The following SNX18 variants were observed in gnomAD, a reference collection of about 807,000 sequenced individuals.
SNX18 encodes sorting nexin-18.
A neutral mutation model predicts 48.7 loss-of-function variants in SNX18; 35 were observed. That is an observed-to-expected ratio of 0.72 (90% confidence interval 0.55 to 0.95). The LOEUF is 0.95. Ranked by LOEUF, SNX18 falls within the 40% of genes least tolerant of loss-of-function variation. The pLI is 0.00. For synonymous variants in SNX18, 492 were observed against 384.7 expected, an observed-to-expected ratio of 1.28 and a Z score of -3.26; for missense variants, 824 against 871.0, an observed-to-expected ratio of 0.95 and a Z score of 0.68.
intron 1 of SNX18, 69 bp from the exon 2 acceptor site, chr5:54,543,110 A>AAT: frequency 6.8e-7 from 1 of 1,465,380 alleles, no homozygotes; most frequent in Admixed American, 2.2e-5. Flanking sequence ...GATTCTGTTT[A>AAT]ATATGTAGTT....
At position 54,545,578 on chromosome 5, in the gene SNX18, T is replaced by C. The variant is rs1762564618; in HGVS notation, c.*2146T>C. On this transcript the variant is annotated 3_prime_UTR_variant, in exon 2 of 2. Transcript: ENST00000381410. ...TAAGTTATACTTATGTAAGTATAAA[T>C]TCATGCTGCCTACTTCTAAGAGAAA... The C allele has an allele frequency of 6.6e-6, 1 of 152,198 alleles. No homozygotes were observed. Among genetic ancestry groups the C allele is most frequent in the Admixed American group, 6.5e-5 (1 of 15,278 alleles). The allele number at this position is 152,198 out of a possible 1,614,324, so 9.4% of individuals were successfully genotyped here.
intron 1 of SNX18, among the ~76,000 whole-genome samples, chr5:54,526,260 A>G (rs529665749): frequency 6.6e-6 from 1 of 152,124 alleles, no homozygotes; most frequent in East Asian, 1.9e-4. Flanking sequence ...ATGTGCCACC[A>G]TGCTTGGCTA....
chr5:54,614,161 C>T, the SNX18 span, among the ~76,000 whole-genome samples: 1 of 152,188 alleles, frequency 6.6e-6, no homozygotes, highest in African/African-American at 2.4e-5. Context: ...GGAAAGCAGT[C>T]CTGCCAGCCC....
chr5:54,538,021 A>G (rs1348677937), intron 1 of SNX18, among the ~76,000 whole-genome samples: 1 of 152,220 alleles, frequency 6.6e-6, no homozygotes, highest in Non-Finnish European at 1.5e-5. Context: ...CTGCTCCAGT[A>G]GTTTCCGCTT....
the SNX18 span, among the ~76,000 whole-genome samples, chr5:54,569,141 C>T: frequency 5.9e-5 from 9 of 151,382 alleles, no homozygotes; most frequent in Non-Finnish European, 1.3e-4. Flanking sequence ...CCGCGCCCAA[C>T]CACATTTTTT....
At chr5:54,550,549 A>C (rs1193656699), downstream of SNX18, among the ~76,000 whole-genome samples, 2 of 152,240 alleles carry the variant, frequency 1.3e-5, no homozygotes, top group African/African-American at 4.8e-5. Context: ...CCTTTGAGCA[A>C]AACAAAGCGA....
Position 54,545,435 on chromosome 5 carries a change from C to G in SNX18, c.*2003C>G, listed in dbSNP as rs1466264063. The G allele has an allele frequency of 1.3e-5, 2 of 150,584 alleles. No individual in the cohort carries two copies. The highest frequency in any genetic ancestry group is 3.0e-5 in the Non-Finnish European group (2 of 67,740). 9.3% of individuals were successfully genotyped at this position (150,584 alleles called of 1,614,324 possible). On this transcript the variant is annotated 3_prime_UTR_variant, in exon 2 of 2. Coordinates refer to ENST00000381410, the MANE Select transcript of SNX18 (RefSeq NM_001102575.2). ...ATTTTTTTTTTTTTAATAGTAAAAT[C>G]ACTAAACTTGTGCAATGGTAGCATG...
chr5:54,606,147 G>T, the SNX18 span, among the ~76,000 whole-genome samples: 1 of 152,180 alleles, frequency 6.6e-6, no homozygotes, highest in African/African-American at 2.4e-5. Flanking sequence ...AGGCGTTTCA[G>T]GTTTTGGATG....
chr5:54,640,269 G>A, the SNX18 span, among the ~76,000 whole-genome samples: 25 of 151,374 alleles, frequency 1.7e-4, no homozygotes, highest in Non-Finnish European at 2.5e-4. Flanking sequence ...ACTGGAGTGC[G>A]GTAGCTCTAT....
the SNX18 span, among the ~76,000 whole-genome samples, chr5:54,640,010 A>T: frequency 6.6e-6 from 1 of 152,176 alleles, no homozygotes; most frequent in African/African-American, 2.4e-5. Context: ...AGTTAGAAAT[A>T]TTCTTTGATA....
At chr5:54,638,679 T>G in the SNX18 span, among the ~76,000 whole-genome samples, 1 of 152,208 alleles carries the variant, frequency 6.6e-6, no homozygotes, top group Non-Finnish European at 1.5e-5. Context: ...TGTACAAATA[T>G]TTTACATGTA....
intron 1 of SNX18, among the ~76,000 whole-genome samples, chr5:54,525,175 A>G (rs1762108786): frequency 6.6e-6 from 1 of 152,228 alleles, no homozygotes. Context: ...GGTCAGCATG[A>G]GAATTAAATG....
the SNX18 span, among the ~76,000 whole-genome samples, chr5:54,631,708 T>A: frequency 1.3e-5 from 2 of 152,180 alleles, no homozygotes; most frequent in South Asian, 4.1e-4. Flanking sequence ...AGCTGAAGGA[T>A]CCCCTAGAAG....
At chr5:54,553,288 G>A in the SNX18 span, among the ~76,000 whole-genome samples, 3 of 152,164 alleles carry the variant, frequency 2.0e-5, no homozygotes, top group African/African-American at 7.2e-5. Flanking sequence ...TGGAGGCTTC[G>A]TGATAAACGA....
rs1365335702 is a variant in SNX18, at chr5:54,545,638, C to G, written c.*2206C>G. On this transcript the variant is annotated 3_prime_UTR_variant, in exon 2 of 2. Coordinates refer to ENST00000381410, the MANE Select transcript of SNX18 (RefSeq NM_001102575.2). Reference sequence around the variant, plus strand: ...TCATAACCACATAACATTATAATGCCACTGATTCATACGGGATTTACATTA... The same window carrying G: ...TCATAACCACATAACATTATAATGCGACTGATTCATACGGGATTTACATTA... The G allele has an allele frequency of 6.6e-6, 1 of 152,082 alleles. No homozygotes were observed. Among genetic ancestry groups the G allele is most frequent in the Non-Finnish European group, 1.5e-5 (1 of 68,016 alleles). 9.4% of individuals were successfully genotyped at this position (152,082 alleles called of 1,614,324 possible).
intron 1 of SNX18, among the ~76,000 whole-genome samples, chr5:54,535,903 C>G (rs918431485): frequency 2.6e-5 from 4 of 152,164 alleles, no homozygotes; most frequent in African/African-American, 4.8e-5. Flanking sequence ...GCTCCTGCCT[C>G]TCATTTAGGA....
Position 54,543,707 on chromosome 5 carries a change from T to C in SNX18, c.*275T>C, listed in dbSNP as rs974263946. On this transcript the variant is annotated 3_prime_UTR_variant, in exon 2 of 2. Coordinates refer to ENST00000381410, the MANE Select transcript of SNX18 (RefSeq NM_001102575.2). ...AATAATGATTATACTATTTGCCTTA[T>C]TGCTTTTTGAAGTATGGGTATTTTA... The C allele has an allele frequency of 2.3e-5, 8 of 345,364 alleles. No homozygotes were observed. Among genetic ancestry groups the C allele is most frequent in the African/African-American group, 1.3e-4 (6 of 47,130 alleles). 21.4% of individuals were successfully genotyped at this position (345,364 alleles called of 1,614,324 possible).
chr5:54,534,535 G>A (rs903260123), intron 1 of SNX18, among the ~76,000 whole-genome samples: 7 of 152,106 alleles, frequency 4.6e-5, no homozygotes, highest in African/African-American at 1.7e-4. Context: ...TAAAATGGCT[G>A]AGGCAGTACA....
the SNX18 span, among the ~76,000 whole-genome samples, chr5:54,566,209 G>A: frequency 6.6e-6 from 1 of 152,144 alleles, no homozygotes; most frequent in Non-Finnish European, 1.5e-5. Context: ...GAAAGATGAG[G>A]TTAAGAGCAC....
Sources: gnomAD v4.1 joint callset for allele counts (sites outside exome capture counted in the v4.1 genomes callset) on GRCh38, gnomAD v4.1.1 for gene constraint, MANE v1.5 for transcripts, NCBI Gene and HGNC (gene_info 2026-07-23, HGNC 2026-07-21) for gene names.